The following CDCA4 variants were observed in gnomAD, a reference collection of about 807,000 sequenced individuals.
CDCA4 encodes the protein cell division cycle associated 4, also known as cell division cycle-associated protein 4.
For synonymous variants in CDCA4, 130 were observed against 137.0 expected (o/e 0.95, Z 0.36); for missense variants, 294 against 322.1 (o/e 0.91, Z 0.67).
At chr14:105,013,619 G>A (rs1044551160) in intron 1 of CDCA4, among the ~76,000 whole-genome samples, 27 of 152,080 alleles carry the variant, frequency 1.8e-4, no homozygotes, top group African/African-American at 6.5e-4. Flanking sequence ...TGGAGACCAA[G>A]GATGGGAAGT....
In CDCA4 at chr14:105,011,498, G is replaced by A. The variant is rs1488053743; in HGVS notation, c.432C>T (p.Ser144=). 15 of 1,614,038 alleles carry A rather than the reference G, an allele frequency of 9.3e-6. No homozygotes were observed. The highest frequency in any genetic ancestry group is 4.0e-5 in the African/African-American group (3 of 74,940). The change falls in exon 2 of 2, where the codon AGC becomes AGT. Residue 144 remains serine (S), a synonymous_variant. Coordinates refer to ENST00000336219, the MANE Select transcript of CDCA4 (RefSeq NM_017955.4). ...SAQAPRHLQS[S]AWEMDGPREN... ...CTCGAGGGCCATCCATCTCCCAGGCGCTGCTCTGCAGGTGCCTTGGTGCCT... is the reference window on the plus strand; with the variant it reads ...CTCGAGGGCCATCCATCTCCCAGGCACTGCTCTGCAGGTGCCTTGGTGCCT...
rs118104016 is a variant in CDCA4, at chr14:105,019,394, C to T, written c.-7+1605G>A. Among the ~76,000 whole-genome samples the T allele has an allele frequency of 5.2e-3, 795 of 152,316 alleles. 25 individuals are homozygous for T. The East Asian group carries it at 0.095, about 18-fold the overall frequency. On this transcript the variant is annotated intron_variant, in intron 1 of 1. Transcript: ENST00000336219. ...CCACACCTTCGTGGCTGAGCAATACCACGAGGCTGGCTGAAAACGCAGATT... is the reference window on the plus strand; with the variant it reads ...CCACACCTTCGTGGCTGAGCAATACTACGAGGCTGGCTGAAAACGCAGATT...
chr14:105,011,251 C>A lies in CDCA4; in HGVS notation c.679G>T (p.Asp227Tyr), dbSNP rs565956177. 1.8e-5 allele frequency: 29 copies of A among 1,613,214 alleles called. No homozygotes were observed. The Admixed American group carries it at 4.5e-4, about 25-fold the overall frequency. The stretch of plus-strand genomic sequence containing the variant: ...ACCACGTGGTCCAGCTCGCCCAGGT[C>A]GGACTTGCAGCTGGAGCTAGGGCCT... The part of the protein sequence containing the change: ...TPGPSSSCKS[D>Y]LGELDHVVEI... Residue 227 changes from aspartate (D) to tyrosine (Y), a missense_variant, in exon 2 of 2, where the codon GAC becomes TAC. Transcript: ENST00000336219.
intron 1 of CDCA4, among the ~76,000 whole-genome samples, chr14:105,016,990 T>C (rs895421598): frequency 2.6e-5 from 4 of 152,208 alleles, no homozygotes; most frequent in Non-Finnish European, 4.4e-5. Flanking sequence ...TGAACATTGG[T>C]TTTTCATTTC....
chr14:105,014,433 T>A (rs7153549), intron 1 of CDCA4, among the ~76,000 whole-genome samples: 36,176 of 151,986 alleles, frequency 0.24, 6,455 homozygotes, highest in African/African-American at 0.5. Context: ...CCTAGCTTAT[T>A]TCCCCTACAG....
intron 1 of CDCA4, among the ~76,000 whole-genome samples, chr14:105,012,199 AGT>A (rs886259928): frequency 2.0e-5 from 3 of 152,240 alleles, no homozygotes; most frequent in Non-Finnish European, 4.4e-5. Context: ...GTACCACGAC[AGT>A]GTTTTATAGC....
chr14:105,019,240 C>A (rs574238027), intron 1 of CDCA4, among the ~76,000 whole-genome samples: 2 of 152,328 alleles, frequency 1.3e-5, no homozygotes, highest in Admixed American at 1.3e-4. Flanking sequence ...GGTGGAACAG[C>A]CAACAGGCCA....
chr14:105,017,989 C>T (rs1416558568), intron 1 of CDCA4, among the ~76,000 whole-genome samples: 1 of 152,200 alleles, frequency 6.6e-6, no homozygotes, highest in East Asian at 1.9e-4. Context: ...AGCAGCAAGA[C>T]ACACACAAAA....
intron 1 of CDCA4, among the ~76,000 whole-genome samples, chr14:105,018,815 C>T (rs565168257): frequency 3.3e-4 from 50 of 151,796 alleles, no homozygotes; most frequent in Non-Finnish European, 6.3e-4. Context: ...CAGCTCACTG[C>T]AACCTCCACC....
intron 1 of CDCA4, among the ~76,000 whole-genome samples, chr14:105,017,237 T>G (rs1035877748): frequency 4.0e-5 from 6 of 151,768 alleles, no homozygotes; most frequent in African/African-American, 1.5e-4. Flanking sequence ...TTTTTTTAGA[T>G]GGAGTCTCAC....
intron 1 of CDCA4, among the ~76,000 whole-genome samples, 159 bp from the exon 2 acceptor site, chr14:105,012,094 G>A (rs927958166): frequency 1.3e-5 from 2 of 152,226 alleles, no homozygotes; most frequent in South Asian, 2.1e-4. Flanking sequence ...GAGCTGAGAC[G>A]TGGAGCCCAG....
rs1322769094 is a variant in CDCA4, at chr14:105,018,754, T to TA, written c.-7+2244dup. Among the ~76,000 whole-genome samples the TA allele has an allele frequency of 4.2e-4, 59 of 140,560 alleles. 1 individual carries two copies. The highest frequency in any genetic ancestry group is 9.2e-4 in the Admixed American group (13 of 14,088). The allele number at this position is 140,560 out of a possible 152,430, so 92.2% of individuals were successfully genotyped here. On this transcript the variant is annotated intron_variant, in intron 1 of 1. Coordinates refer to ENST00000336219, the MANE Select transcript of CDCA4 (RefSeq NM_017955.4). ...CCTGCTCAATTTTTTTTTTTTTTTT[T>TA]AAGACAGAGTCTCATTCTGTCCCCC... is the stretch of plus-strand genomic sequence containing the variant.
chr14:105,011,370 G>C lies in CDCA4; in HGVS notation c.560C>G (p.Pro187Arg), dbSNP rs1900496317. The C allele has an allele frequency of 1.2e-6, 2 of 1,614,112 alleles. No homozygotes were observed. The highest frequency in any genetic ancestry group is 2.7e-5 in the African/African-American group (2 of 74,948). ...MEELFSDVDS[P>R]YYDLDTVLTG... ...CAGTACTGTGTCCAGGTCGTAGTAGGGGCTGTCCACGTCTGAGAACAGCTC... is the reference window on the plus strand; with the variant it reads ...CAGTACTGTGTCCAGGTCGTAGTAGCGGCTGTCCACGTCTGAGAACAGCTC... Residue 187 changes from proline to arginine, a missense_variant, in exon 2 of 2, where the codon CCC becomes CGC. Pro to Arg is a moderately radical substitution (Grantham distance 103). Coordinates refer to ENST00000336219, the MANE Select transcript of CDCA4 (RefSeq NM_017955.4).
intron 1 of CDCA4, among the ~76,000 whole-genome samples, chr14:105,017,792 C>T (rs1886121587): frequency 6.6e-6 from 1 of 151,972 alleles, no homozygotes; most frequent in African/African-American, 2.4e-5. Flanking sequence ...GATTGCACCA[C>T]TGCACTACAG....
intron 1 of CDCA4, among the ~76,000 whole-genome samples, chr14:105,019,204 G>A (rs537705402): frequency 1.3e-5 from 2 of 152,278 alleles, no homozygotes; most frequent in East Asian, 1.9e-4. Flanking sequence ...AGGGCCAGAC[G>A]GACTGAGGAC....
chr14:105,012,689 C>T (rs1464764227), intron 1 of CDCA4, among the ~76,000 whole-genome samples: 2 of 152,226 alleles, frequency 1.3e-5, no homozygotes, highest in African/African-American at 2.4e-5. Flanking sequence ...CTTGCTCCCA[C>T]ACCCGCCCAT....
intron 1 of CDCA4, among the ~76,000 whole-genome samples, chr14:105,020,614 G>A (rs1156793766): frequency 6.6e-6 from 1 of 152,214 alleles, no homozygotes; most frequent in Non-Finnish European, 1.5e-5. Flanking sequence ...CGCGCCTGGC[G>A]TTCCCTCCGC....
chr14:105,013,164 C>T (rs1900552087), intron 1 of CDCA4, among the ~76,000 whole-genome samples: 1 of 152,156 alleles, frequency 6.6e-6, no homozygotes, highest in South Asian at 2.1e-4. Flanking sequence ...GGACATTGGC[C>T]ATGTCTACTC....
At chr14:105,018,282 C>G (rs1219638151) in intron 1 of CDCA4, among the ~76,000 whole-genome samples, 10 of 151,920 alleles carry the variant, frequency 6.6e-5, no homozygotes, top group Non-Finnish European at 1.5e-4. Flanking sequence ...CATTCTGGTA[C>G]CAGGAGAATA....
Sources: gnomAD v4.1 joint callset for allele counts (sites outside exome capture counted in the v4.1 genomes callset) on GRCh38, gnomAD v4.1.1 for gene constraint, MANE v1.5 for transcripts, NCBI Gene and HGNC (gene_info 2026-07-23, HGNC 2026-07-21) for gene names.